FOXP1: variants seen among roughly 807,000 people sequenced by gnomAD.
FOXP1 encodes forkhead box P1.
In FOXP1, 15 loss-of-function variants were observed where a neutral mutation model predicts 98.2. The observed-to-expected ratio is 0.15, with a 90% CI of 0.10 to 0.24. FOXP1 has a LOEUF of 0.24. FOXP1 is among the 10% of genes least tolerant of loss of function. FOXP1 has a pLI of 1.00. For missense variants in FOXP1, 633 were observed against 848.5 expected, an observed-to-expected ratio of 0.75 and a Z score of 3.15; for synonymous variants, 371 against 314.5, an observed-to-expected ratio of 1.18 and a Z score of -1.90.
At chr3:71,009,227 C>G (rs113998851) in intron 12 of FOXP1, among the ~76,000 whole-genome samples, 2 of 136,920 alleles carry the variant, frequency 1.5e-5, no homozygotes, top group Non-Finnish European at 3.1e-5. Context: ...TTCTGTGAAT[C>G]CAAGCTAACA....
intron 2 of FOXP1, chr3:71,571,481 T>C (rs1344981691): frequency 2.0e-5 from 3 of 152,206 alleles, no homozygotes; most frequent in African/African-American, 7.2e-5. Context: ...ATTTATGCTA[T>C]TTACTGAGTA....
chr3:70,978,569 C>T (rs990421577), intron 14 of FOXP1, among the ~76,000 whole-genome samples: 5 of 152,124 alleles, frequency 3.3e-5, no homozygotes, highest in Non-Finnish European at 7.3e-5. Context: ...ATGGAAAGAG[C>T]CCCATGTGGC....
At chr3:71,182,742 T>C (rs1171862202) in intron 6 of FOXP1, among the ~76,000 whole-genome samples, 3 of 151,738 alleles carry the variant, frequency 2.0e-5, no homozygotes, top group Non-Finnish European at 4.4e-5. Context: ...AGATACGAGG[T>C]CTAAGCTGCC....
intron 2 of FOXP1, among the ~76,000 whole-genome samples, chr3:71,539,408 G>A (rs945397838): frequency 1.3e-5 from 2 of 150,440 alleles, no homozygotes; most frequent in Non-Finnish European, 1.5e-5. Context: ...GGCGTGAGCC[G>A]CCGCGCTCGG....
intron 7 of FOXP1, among the ~76,000 whole-genome samples, chr3:71,085,875 G>A (rs1261700208): frequency 1.3e-5 from 2 of 151,266 alleles, no homozygotes; most frequent in Admixed American, 6.6e-5. Context: ...GACCACAGGC[G>A]GGTGCCACCA....
intron 2 of FOXP1, among the ~76,000 whole-genome samples, chr3:71,552,602 A>T (rs1269553409): frequency 6.6e-6 from 1 of 152,030 alleles, no homozygotes; most frequent in African/African-American, 2.4e-5. Context: ...AAAAGCAAAT[A>T]AAAAGTTTTA....
intron 2 of FOXP1, among the ~76,000 whole-genome samples, chr3:71,575,456 T>TACAC (rs141932734): frequency 1.3e-5 from 2 of 149,440 alleles, no homozygotes; most frequent in African/African-American, 4.9e-5. Flanking sequence ...CACACACACA[T>TACAC]ACACACACAC....
At chr3:71,437,643 C>T (rs1220139745) in intron 3 of FOXP1, among the ~76,000 whole-genome samples, 4 of 152,122 alleles carry the variant, frequency 2.6e-5, no homozygotes, top group Non-Finnish European at 5.9e-5. Flanking sequence ...TCAGCAATGG[C>T]TCCACCATCC....
At position 71,466,791 on chromosome 3, in the gene FOXP1, G is replaced by A. The variant is rs186086107; in HGVS notation, c.-168+26635C>T. Among the ~76,000 whole-genome samples, 971 of 152,322 alleles carry A rather than the reference G, an allele frequency of 6.4e-3. 19 individuals are homozygous for A. Among genetic ancestry groups the A allele is most frequent in the Non-Finnish European group, 8.7e-3 (592 of 68,028 alleles). ...AGAGCACTGCCTAGGGCAGGGGGTTGCATCTTCCCTCTCCTTACCATATAG... is the reference window on the plus strand; with the variant it reads ...AGAGCACTGCCTAGGGCAGGGGGTTACATCTTCCCTCTCCTTACCATATAG... On this transcript the variant is annotated intron_variant, in intron 3 of 20. Coordinates refer to ENST00000649528, the MANE Select transcript of FOXP1 (RefSeq NM_001349338.3).
chr3:71,470,467 C>T (rs1488297720), intron 3 of FOXP1, among the ~76,000 whole-genome samples: 1 of 152,154 alleles, frequency 6.6e-6, no homozygotes, highest in African/African-American at 2.4e-5. Context: ...GAGGCCGGTG[C>T]GGTGGCTCAC....
chr3:71,027,803 G>A (rs2046327954), intron 11 of FOXP1, among the ~76,000 whole-genome samples: 1 of 152,100 alleles, frequency 6.6e-6, no homozygotes, highest in East Asian at 1.9e-4. Context: ...TTAGAAACAT[G>A]TATATAATTA....
intron 3 of FOXP1, among the ~76,000 whole-genome samples, chr3:71,445,397 C>T (rs914315314): frequency 2.0e-5 from 3 of 152,108 alleles, no homozygotes; most frequent in African/African-American, 7.2e-5. Flanking sequence ...CTGAAGTCCA[C>T]ATTTTAACCA....
chr3:71,063,822 G>C (rs1254730912), intron 7 of FOXP1, among the ~76,000 whole-genome samples: 1 of 152,146 alleles, frequency 6.6e-6, no homozygotes, highest in Non-Finnish European at 1.5e-5. Context: ...TATTTTACTT[G>C]TAACTGCCAG....
intron 16 of FOXP1, among the ~76,000 whole-genome samples, chr3:70,977,435 T>C (rs1024813412): frequency 1.3e-5 from 2 of 152,186 alleles, no homozygotes; most frequent in African/African-American, 2.4e-5. Flanking sequence ...ATTTTCACTG[T>C]TGTGTGAAAT....
At chr3:71,273,350 T>A (rs1252514285) in intron 5 of FOXP1, among the ~76,000 whole-genome samples, 3 of 152,164 alleles carry the variant, frequency 2.0e-5, no homozygotes, top group African/African-American at 4.8e-5. Flanking sequence ...ATCTGATGCT[T>A]ACACCACTGT....
At chr3:71,217,629 A>C (rs2065043210) in intron 5 of FOXP1, among the ~76,000 whole-genome samples, 1 of 152,064 alleles carries the variant, frequency 6.6e-6, no homozygotes, top group Non-Finnish European at 1.5e-5. Context: ...GGGCTGGGGC[A>C]GGCAAGCAAA....
chr3:71,436,118 G>C (rs962880586), intron 3 of FOXP1, among the ~76,000 whole-genome samples: 1 of 151,844 alleles, frequency 6.6e-6, no homozygotes, highest in African/African-American at 2.4e-5. Context: ...ATACCATGTA[G>C]GAATTTCTAA....
At chr3:71,563,322 G>A (rs1395667282) in intron 2 of FOXP1, among the ~76,000 whole-genome samples, 3 of 152,090 alleles carry the variant, frequency 2.0e-5, no homozygotes, top group South Asian at 2.1e-4. Context: ...AACAAAAAAG[G>A]GCACATGGAG....
chr3:71,012,355 T>C (rs1156989516), intron 12 of FOXP1, among the ~76,000 whole-genome samples: 8 of 152,208 alleles, frequency 5.3e-5, no homozygotes, highest in Non-Finnish European at 1.5e-5. Flanking sequence ...ACTAAGATTC[T>C]ATAGTGAGTG....
Sources: gnomAD v4.1 joint callset for allele counts (sites outside exome capture counted in the v4.1 genomes callset) on GRCh38, gnomAD v4.1.1 for gene constraint, MANE v1.5 for transcripts, NCBI Gene and HGNC (gene_info 2026-07-23, HGNC 2026-07-21) for gene names.